Variants in PDZD8 observed in about 807,000 individuals in gnomAD.
PDZD8 encodes PDZ domain containing 8, also known as PDZ domain-containing protein 8.
Under a neutral mutation model 85.8 loss-of-function variants are expected in PDZD8, and 14 were observed. The ratio of observed to expected loss-of-function variants is 0.16; its 90% CI spans 0.11 to 0.26. PDZD8 has a LOEUF of 0.26. Among genes scored for constraint, PDZD8 ranks in the 10% least tolerant of loss-of-function variants. The pLI, the probability that PDZD8 is intolerant of heterozygous loss-of-function variation, is 1.00. For missense variants in PDZD8, 1,197 were observed against 1,424.3 expected (o/e 0.84, Z 2.57); for synonymous variants, 592 against 568.6 (o/e 1.04, Z -0.59).
At chr10:117,335,988 C>A (rs898682355) in intron 2 of PDZD8, among the ~76,000 whole-genome samples, 2 of 152,186 alleles carry the variant, frequency 1.3e-5, no homozygotes, top group African/African-American at 4.8e-5. Flanking sequence ...TTTGCACATT[C>A]TTTATCCAAA....
In PDZD8 at chr10:117,277,405, A is replaced by G. The variant is rs1844514265; in HGVS notation, c.*5863T>C. 2.0e-6 allele frequency: 1 copy of G among 510,906 alleles called. No homozygotes were observed. The highest frequency in any genetic ancestry group is 3.4e-6 in the Non-Finnish European group (1 of 294,716). 31.6% of individuals were successfully genotyped at this position (510,906 alleles called of 1,614,324 possible). On this transcript the variant is annotated 3_prime_UTR_variant, in exon 5 of 5. Coordinates refer to ENST00000334464, the MANE Select transcript of PDZD8 (RefSeq NM_173791.5). ...AACCAAAGGTTATTATTTCCTTTCC[A>G]TGGTTATGGTCGATTGCCAACAGCC... is the stretch of plus-strand genomic sequence containing the variant.
intron 3 of PDZD8, among the ~76,000 whole-genome samples, chr10:117,292,515 A>C (rs1276227516): frequency 2.0e-5 from 3 of 152,096 alleles, no homozygotes; most frequent in African/African-American, 7.2e-5. Flanking sequence ...ATGGGTAGAA[A>C]ACCTAAACAG....
chr10:117,347,083 C>G (rs753300918), intron 1 of PDZD8, among the ~76,000 whole-genome samples: 77 of 152,046 alleles, frequency 5.1e-4, no homozygotes, highest in Non-Finnish European at 8.5e-4. Context: ...CTGTGTGTCC[C>G]TGTCCTGAAT....
intron 3 of PDZD8, among the ~76,000 whole-genome samples, chr10:117,293,736 T>C (rs1157542051): frequency 2.0e-5 from 3 of 152,242 alleles, no homozygotes; most frequent in South Asian, 4.1e-4. Context: ...CTGACACTTA[T>C]AGAACATTAT....
At chr10:117,322,552 G>A (rs1844243786) in intron 2 of PDZD8, among the ~76,000 whole-genome samples, 1 of 152,244 alleles carries the variant, frequency 6.6e-6, no homozygotes, top group African/African-American at 2.4e-5. Flanking sequence ...GAACTAAGTG[G>A]TTATTACTGC....
At position 117,280,795 on chromosome 10, in the gene PDZD8, T is replaced by C. The variant is rs1844564598; in HGVS notation, c.*2473A>G. On this transcript the variant is annotated 3_prime_UTR_variant, in exon 5 of 5. Transcript: ENST00000334464. ...TACAGAGTTAAATACTTTTAAAACA[T>C]GAGTAGATTCTTATAAAACCAAAGT... 6.6e-6 allele frequency: 1 copy of C among 152,234 alleles called. No individual in the cohort carries two copies. The highest frequency in any genetic ancestry group is 1.5e-5 in the Non-Finnish European group (1 of 68,044). 9.4% of individuals were successfully genotyped at this position (152,234 alleles called of 1,614,324 possible).
Position 117,284,422 on chromosome 10 carries a change from G to C in PDZD8, c.2311C>G (p.Leu771Val), listed in dbSNP as rs1844621984. The C allele has an allele frequency of 1.2e-6, 2 of 1,614,064 alleles. No homozygotes were observed. The highest frequency in any genetic ancestry group is 3.3e-5 in the Admixed American group (2 of 60,008). Residue 771 changes from leucine to valine, a missense_variant, in exon 5 of 5, where the codon CTA (leucine) becomes GTA (valine). Leu to Val is a conservative substitution (Grantham distance 32). Transcript: ENST00000334464. Reference sequence around the variant, plus strand: ...CCCTTTTGCATACTCAGATTGCGTAGTGCGGTTCTAGTGACTATAGCCTTA... The same window carrying C: ...CCCTTTTGCATACTCAGATTGCGTACTGCGGTTCTAGTGACTATAGCCTTA... Reference protein sequence around the residue: ...SPKAIVTRTALRNLSMQKGFN... With the variant: ...SPKAIVTRTAVRNLSMQKGFN...
intron 3 of PDZD8, among the ~76,000 whole-genome samples, chr10:117,314,547 G>C (rs143845295): frequency 6.6e-6 from 1 of 152,014 alleles, no homozygotes; most frequent in African/African-American, 2.4e-5. Context: ...TGCTTTTCAG[G>C]GATGCATCAC....
rs1026565075 is a variant in PDZD8 at position 117,300,681 on chromosome 10, A to T, written c.1099-10333T>A. 2.0e-5 allele frequency among the ~76,000 whole-genome samples: 3 copies of T among 152,078 alleles called. No individual in the cohort carries two copies. In the East Asian group the frequency reaches 5.8e-4, roughly 29 times the overall value. ...TATATGTTGAAATCCCAACCCCCTA[A>T]CATGATTGTATTAGGAGATGGGGTC... On this transcript the variant is annotated intron_variant, in intron 3 of 4. Transcript: ENST00000334464.
chr10:117,309,879 A>G (rs1844006831), intron 3 of PDZD8, among the ~76,000 whole-genome samples: 1 of 152,092 alleles, frequency 6.6e-6, no homozygotes, highest in African/African-American at 2.4e-5. Context: ...ACTCTTGACT[A>G]AGGTCATGCT....
chr10:117,302,591 T>C (rs991490934), intron 3 of PDZD8, among the ~76,000 whole-genome samples: 10 of 152,324 alleles, frequency 6.6e-5, no homozygotes, highest in African/African-American at 2.4e-4. Context: ...AAATGCTGTA[T>C]CTCAATTATG....
chr10:117,352,533 T>A (rs960688646), intron 1 of PDZD8, among the ~76,000 whole-genome samples: 1 of 152,222 alleles, frequency 6.6e-6, no homozygotes, highest in Non-Finnish European at 1.5e-5. Flanking sequence ...TATAGATTGT[T>A]GTCCCAACTT....
intron 1 of PDZD8, among the ~76,000 whole-genome samples, chr10:117,342,558 AC>A (rs1589579395): frequency 6.6e-6 from 1 of 152,212 alleles, no homozygotes; most frequent in East Asian, 1.9e-4. Flanking sequence ...GCTCACTGCA[AC>A]CTCTGCCTCC....
intron 2 of PDZD8, among the ~76,000 whole-genome samples, chr10:117,329,282 T>C (rs1173101344): frequency 1.3e-5 from 2 of 152,178 alleles, no homozygotes; most frequent in African/African-American, 4.8e-5. Context: ...GAAATTGCCT[T>C]TTATCTCCTC....
chr10:117,281,785 G>A lies in PDZD8; in HGVS notation c.*1483C>T, dbSNP rs566848363. ...TATGGAGTCCTGGAGTCTAGACCTG[G>A]GCCCCAGTCCTTAATATTACACCAT... On this transcript the variant is annotated 3_prime_UTR_variant, in exon 5 of 5. Transcript: ENST00000334464. 6.6e-6 allele frequency: 1 copy of A among 152,058 alleles called. No homozygotes were observed. The highest frequency in any genetic ancestry group is 1.5e-5 in the Non-Finnish European group (1 of 68,024). 9.4% of individuals were successfully genotyped at this position (152,058 alleles called of 1,614,324 possible).
At chr10:117,339,606 T>A (rs1422010041) in intron 2 of PDZD8, among the ~76,000 whole-genome samples, 1 of 152,354 alleles carries the variant, frequency 6.6e-6, no homozygotes, top group South Asian at 2.1e-4. Context: ...GAATATTTTA[T>A]AACATATGAA....
chr10:117,340,965 AAACAAAG>A lies in PDZD8; in HGVS notation c.995+8_995+14del. The A allele has an allele frequency of 6.2e-7, 1 of 1,613,760 alleles. No individual in the cohort carries two copies. Among genetic ancestry groups the A allele is most frequent in the Non-Finnish European group, 8.5e-7 (1 of 1,179,750 alleles). ...TTCTTCCCGTAACTTAGTAATGACA[AAACAAAG>A]AACATACCTGCTACATTCTAACAAC... On this transcript the variant is annotated splice_region_variant and intron_variant, in intron 2 of 4. Transcript: ENST00000334464.
At chr10:117,359,623 A>AT (rs1249498209) in intron 1 of PDZD8, among the ~76,000 whole-genome samples, 17 of 152,024 alleles carry the variant, frequency 1.1e-4, no homozygotes, top group Non-Finnish European at 2.2e-4. Context: ...AGGTGGGAGA[A>AT]TTGCTTGAGC....
At chr10:117,312,005 C>T (rs565898133) in intron 3 of PDZD8, among the ~76,000 whole-genome samples, 1 of 151,956 alleles carries the variant, frequency 6.6e-6, no homozygotes, top group Non-Finnish European at 1.5e-5. Context: ...CCCTGGCTTT[C>T]CCAGTTCACT....
Sources: allele counts gnomAD v4.1 joint callset (sites outside exome capture counted in the v4.1 genomes callset), GRCh38; gene constraint gnomAD v4.1.1; transcripts MANE v1.5; gene names NCBI Gene and HGNC (gene_info 2026-07-23, HGNC 2026-07-21).